The following IL16 variants were observed in gnomAD, a reference collection of about 807,000 sequenced individuals.
IL16 encodes interleukin 16.
Under a neutral mutation model 110.1 loss-of-function variants are expected in IL16, and 67 were observed. That is an observed-to-expected ratio of 0.61 (90% CI 0.50 to 0.75). The LOEUF (loss-of-function observed/expected upper bound fraction) is 0.75. Ranked by LOEUF, IL16 falls within the 30% of genes least tolerant of loss-of-function variation. The pLI, the probability that IL16 is intolerant of heterozygous loss-of-function variation, is 0.00. For missense variants in IL16, 1,545 were observed against 1,655.0 expected (o/e 0.93, Z 1.15); for synonymous variants, 689 against 662.9 (o/e 1.04, Z -0.61).
chr15:81,285,994 C>T (rs1002193110), intron 10 of IL16, among the ~76,000 whole-genome samples, 164 bp downstream of exon 10: 1 of 152,202 alleles, frequency 6.6e-6, no homozygotes, highest in Non-Finnish European at 1.5e-5. Context: ...CAGCAGAGGT[C>T]CACTAACAAA....
intron 4 of IL16, among the ~76,000 whole-genome samples, chr15:81,266,080 CG>C (rs1238064454): frequency 2.6e-5 from 4 of 152,210 alleles, no homozygotes; most frequent in Non-Finnish European, 5.9e-5. Flanking sequence ...ACACGGCACG[CG>C]GGGGGACCCT....
intron 1 of IL16, among the ~76,000 whole-genome samples, chr15:81,199,566 T>A (rs943265358): frequency 6.7e-6 from 1 of 149,782 alleles, no homozygotes; most frequent in African/African-American, 2.5e-5. Context: ...CCTGGCTGAG[T>A]CTTGGCATGT....
rs183095491 is a variant in IL16 at position 81,300,670 on chromosome 15, G to A, written c.3149+195G>A. 2.1e-3 allele frequency among the ~76,000 whole-genome samples: 325 copies of A among 152,252 alleles called. 1 individual carries two copies. The highest frequency in any genetic ancestry group is 7.4e-3 in the African/African-American group (309 of 41,518). ...GTCTGTCTGTAGGTATTACACCTCT[G>A]CCTTTCACATTAAGGAGGAGTTTTC... On this transcript the variant is annotated intron_variant, in intron 14 of 18. Transcript: ENST00000683961.
At chr15:81,189,854 A>C (rs900181421) in intron 1 of IL16, among the ~76,000 whole-genome samples, 2 of 152,242 alleles carry the variant, frequency 1.3e-5, no homozygotes, top group African/African-American at 2.4e-5. Flanking sequence ...TCATGACAAC[A>C]ACAAATTAAG....
At chr15:81,202,829 G>A (rs1375589801) in intron 1 of IL16, among the ~76,000 whole-genome samples, 1 of 152,052 alleles carries the variant, frequency 6.6e-6, no homozygotes, top group Non-Finnish European at 1.5e-5. Context: ...TAATCTTTTG[G>A]GTATATACCC....
chr15:81,199,430 G>A (rs572010144), intron 1 of IL16, among the ~76,000 whole-genome samples: 30 of 152,328 alleles, frequency 2.0e-4, no homozygotes, highest in African/African-American at 7.2e-4. Flanking sequence ...CCATCAGGAG[G>A]GAGGCGCTGT....
At chr15:81,221,420 G>T (rs950315685) in intron 1 of IL16, among the ~76,000 whole-genome samples, 1 of 152,112 alleles carries the variant, frequency 6.6e-6, no homozygotes, top group African/African-American at 2.4e-5. Context: ...CCAACCTTTC[G>T]AAGGCAGCTG....
chr15:81,216,287 G>GGGTC (rs1426068239), intron 1 of IL16, among the ~76,000 whole-genome samples: 1 of 152,296 alleles, frequency 6.6e-6, no homozygotes, highest in East Asian at 1.9e-4. Context: ...GTGTGATGCA[G>GGGTC]GGTCCCCTGT....
chr15:81,208,504 A>AT (rs2141982113), intron 1 of IL16, among the ~76,000 whole-genome samples: 1 of 152,260 alleles, frequency 6.6e-6, no homozygotes, highest in Admixed American at 6.5e-5. Flanking sequence ...CTTTTAAAAT[A>AT]TTTTTAGTAG....
At chr15:81,240,707 T>G (rs1897312458) in intron 2 of IL16, among the ~76,000 whole-genome samples, 1 of 152,130 alleles carries the variant, frequency 6.6e-6, no homozygotes, top group South Asian at 2.1e-4. Flanking sequence ...CTTGCTAGTC[T>G]TCTTCCTTCT....
chr15:81,237,340 T>C (rs992770457), intron 2 of IL16, among the ~76,000 whole-genome samples: 4 of 152,222 alleles, frequency 2.6e-5, no homozygotes, highest in Non-Finnish European at 5.9e-5. Context: ...AGGAGGAATT[T>C]ACTGTAACAA....
At chr15:81,211,119 G>A (rs1896224315) in intron 1 of IL16, among the ~76,000 whole-genome samples, 1 of 152,154 alleles carries the variant, frequency 6.6e-6, no homozygotes, top group Non-Finnish European at 1.5e-5. Context: ...GAGTGCATTG[G>A]TGCAATCATC....
chr15:81,262,626 AT>A (rs1567023885), intron 3 of IL16, among the ~76,000 whole-genome samples: 1 of 152,102 alleles, frequency 6.6e-6, no homozygotes, highest in South Asian at 2.1e-4. Flanking sequence ...AAATTTGGCA[AT>A]TTTTTTAAGA....
At chr15:81,287,530 T>C (rs937432773) in intron 10 of IL16, among the ~76,000 whole-genome samples, 2 of 152,224 alleles carry the variant, frequency 1.3e-5, no homozygotes, top group Admixed American at 1.3e-4. Context: ...TTCAAAGATG[T>C]GACCCACACA....
At chr15:81,271,149 G>A (rs892632407) in intron 5 of IL16, among the ~76,000 whole-genome samples, 4 of 152,028 alleles carry the variant, frequency 2.6e-5, no homozygotes, top group Admixed American at 6.5e-5. Flanking sequence ...ACGTGCAGCC[G>A]GGCGCACTGG....
chr15:81,296,131 T>A (rs1447515864), intron 12 of IL16, among the ~76,000 whole-genome samples: 1 of 152,190 alleles, frequency 6.6e-6, no homozygotes, highest in Non-Finnish European at 1.5e-5. Context: ...ATTCTTACTC[T>A]GTTTATGAAG....
At chr15:81,207,889 A>T (rs561289145) in intron 1 of IL16, among the ~76,000 whole-genome samples, 17 of 150,256 alleles carry the variant, frequency 1.1e-4, no homozygotes, top group African/African-American at 4.2e-4. Context: ...TTGGGTATAT[A>T]TGCAGTAATG....
At chr15:81,229,708 C>A (rs1896907154) in intron 2 of IL16, among the ~76,000 whole-genome samples, 1 of 152,070 alleles carries the variant, frequency 6.6e-6, no homozygotes, top group Non-Finnish European at 1.5e-5. Flanking sequence ...ACTCAATAGC[C>A]CACACCCACT....
intron 2 of IL16, among the ~76,000 whole-genome samples, chr15:81,254,457 C>T (rs1897877424): frequency 6.6e-6 from 1 of 152,158 alleles, no homozygotes; most frequent in Non-Finnish European, 1.5e-5. Context: ...CTAGCAGTCA[C>T]ATGACCAATC....
Sources: gnomAD v4.1 joint callset for allele counts (sites outside exome capture counted in the v4.1 genomes callset) on GRCh38, gnomAD v4.1.1 for gene constraint, MANE v1.5 for transcripts, NCBI Gene and HGNC (gene_info 2026-07-23, HGNC 2026-07-21) for gene names.